Variants in FRMD4A observed in about 807,000 individuals in gnomAD.
FRMD4A encodes the protein FERM domain containing 4A.
Under a neutral mutation model 129.1 loss-of-function variants are expected in FRMD4A, and 29 were observed. That is an observed-to-expected ratio of 0.22 (90% CI 0.17 to 0.31). The LOEUF (loss-of-function observed/expected upper bound fraction) is 0.31. Ranked by LOEUF, FRMD4A falls within the 10% of genes least tolerant of loss-of-function variation. The pLI, the probability that FRMD4A is intolerant of heterozygous loss-of-function variation, is 1.00. For missense variants in FRMD4A, 1,272 were observed against 1,375.8 expected (o/e 0.92, Z 1.19); for synonymous variants, 634 against 571.6 (o/e 1.11, Z -1.56).
At chr10:13,661,025 T>C (rs1378601719) in intron 19 of FRMD4A, among the ~76,000 whole-genome samples, 1 of 152,108 alleles carries the variant, frequency 6.6e-6, no homozygotes, top group Non-Finnish European at 1.5e-5. Context: ...TGATAACCAT[T>C]GGTTGGAGAA....
At chr10:14,075,658 G>C in intron 2 of FRMD4A, among the ~76,000 whole-genome samples, 1 of 152,310 alleles carries the variant, frequency 6.6e-6, no homozygotes, top group East Asian at 1.9e-4. Context: ...ATATAAGCAT[G>C]TGTGGGTATA....
chr10:14,113,941 C>A (rs188255959), intron 2 of FRMD4A, among the ~76,000 whole-genome samples: 2 of 152,186 alleles, frequency 1.3e-5, no homozygotes, highest in African/African-American at 4.8e-5. Flanking sequence ...TCCCACCTCA[C>A]CCCCAGCCCA....
intron 4 of FRMD4A, 43 bp downstream of exon 4, chr10:13,810,771 C>T: frequency 1.9e-6 from 2 of 1,074,800 alleles, no homozygotes; most frequent in Non-Finnish European, 2.9e-6. Flanking sequence ...GGGTTCTGCA[C>T]TGACTCTCCC....
chr10:13,992,582 A>T (rs995295407), intron 2 of FRMD4A, among the ~76,000 whole-genome samples: 3 of 152,222 alleles, frequency 2.0e-5, no homozygotes, highest in African/African-American at 7.2e-5. Context: ...TTAAATCTTA[A>T]CTTTGTAAAA....
chr10:14,218,166 A>G (rs1843133267), intron 2 of FRMD4A, among the ~76,000 whole-genome samples: 1 of 152,134 alleles, frequency 6.6e-6, no homozygotes, highest in African/African-American at 2.4e-5. Flanking sequence ...CTATATCCAG[A>G]CACTTCCCAA....
chr10:13,770,122 C>T (rs2092414156), intron 6 of FRMD4A, among the ~76,000 whole-genome samples: 2 of 152,222 alleles, frequency 1.3e-5, no homozygotes, highest in Admixed American at 1.3e-4. Flanking sequence ...AACTTGCTCT[C>T]TTCTTGTGGC....
intron 24 of FRMD4A, chr10:13,649,661 A>G (rs948822574): frequency 1.3e-5 from 2 of 152,250 alleles, no homozygotes; most frequent in African/African-American, 4.8e-5. Context: ...TTTTAAAGCT[A>G]TAAATGTTGC....
intron 2 of FRMD4A, among the ~76,000 whole-genome samples, chr10:14,128,046 CTCTTTCTTTCTT>C (rs534411383): frequency 0.11 from 8,686 of 77,354 alleles, 784 homozygotes; most frequent in South Asian, 0.17. Flanking sequence ...CTTTCTTTCC[CTCTTTCTTTCTT>C]TCTTTCTTTC....
chr10:13,685,655 A>G lies in FRMD4A; in HGVS notation c.1117+8243T>C, dbSNP rs79914116. 3.3e-3 allele frequency: 3,294 copies of G among 983,556 alleles called. 14 individuals carry two copies. The highest frequency in any genetic ancestry group is 0.033 in the East Asian group (292 of 8,810). 60.9% of individuals were successfully genotyped at this position (983,556 alleles called of 1,614,324 possible). A position where few individuals can be genotyped will look rare whatever the true frequency, so the allele number is the denominator to read the frequency against. On this transcript the variant is annotated intron_variant, in intron 15 of 24. Coordinates refer to ENST00000357447, the MANE Select transcript of FRMD4A (RefSeq NM_018027.5). ...GAAACGCTCGTGGGAAGTGATAGTT[A>G]TATCTCTTTTTAGTATTTAAAATTT...
At chr10:13,784,279 G>T (rs2130786251) in intron 5 of FRMD4A, among the ~76,000 whole-genome samples, 1 of 152,302 alleles carries the variant, frequency 6.6e-6, no homozygotes, top group African/African-American at 2.4e-5. Flanking sequence ...GTGACTCAGG[G>T]CAGTCACATC....
At chr10:13,914,637 T>C (rs2094979248) in intron 2 of FRMD4A, among the ~76,000 whole-genome samples, 1 of 152,082 alleles carries the variant, frequency 6.6e-6, no homozygotes, top group Non-Finnish European at 1.5e-5. Flanking sequence ...GACTGATGGA[T>C]TTAACAATGT....
intron 2 of FRMD4A, among the ~76,000 whole-genome samples, chr10:14,187,382 C>T (rs1842181576): frequency 6.6e-6 from 1 of 152,168 alleles, no homozygotes; most frequent in South Asian, 2.1e-4. Context: ...TACAGAAGTC[C>T]TCAACCTTGC....
rs565179019 is a variant in FRMD4A at position 13,788,500 on chromosome 10, T to C, written c.300-5494A>G. Among the ~76,000 whole-genome samples the C allele has an allele frequency of 2.0e-5, 3 of 152,348 alleles. No individual in the cohort carries two copies. In the East Asian group the frequency reaches 5.8e-4, roughly 29 times the overall value. ...TTCTCCCAGGAACTGAGTGACAATC[T>C]TTTCAATGTCTGTCCTCTCCTCATC... On this transcript the variant is annotated intron_variant, in intron 5 of 24. Transcript: ENST00000357447.
chr10:14,099,312 C>A (rs1305945451), intron 2 of FRMD4A, among the ~76,000 whole-genome samples: 2 of 151,734 alleles, frequency 1.3e-5, no homozygotes, highest in African/African-American at 2.4e-5. Flanking sequence ...ATTTATAGGG[C>A]AGAGTTAGAA....
chr10:13,688,001 A>C lies in FRMD4A; in HGVS notation c.1117+5897T>G, dbSNP rs1036698611. ...ACAGGGGACAGCTCTGCGTATCACT[A>C]CTACGGGATTCAGGGCCCTGATCTC... On this transcript the variant is annotated intron_variant, in intron 15 of 24. Coordinates refer to ENST00000357447, the MANE Select transcript of FRMD4A (RefSeq NM_018027.5). Among the ~76,000 whole-genome samples the C allele has an allele frequency of 1.1e-4, 16 of 152,154 alleles. 1 individual carries two copies. The highest frequency in any genetic ancestry group is 3.4e-4 in the African/African-American group (14 of 41,432).
At chr10:14,069,051 A>G (rs893334751) in intron 2 of FRMD4A, among the ~76,000 whole-genome samples, 3 of 151,964 alleles carry the variant, frequency 2.0e-5, no homozygotes, top group East Asian at 1.9e-4. Context: ...CCCACCCCCA[A>G]TACCAGCTTC....
intron 2 of FRMD4A, among the ~76,000 whole-genome samples, chr10:14,125,717 A>G (rs535238905): frequency 6.7e-6 from 1 of 150,316 alleles, no homozygotes; most frequent in South Asian, 2.1e-4. Context: ...TCTCTCTCAC[A>G]CACAGACACA....
At chr10:14,098,350 T>C (rs1471276448) in intron 2 of FRMD4A, among the ~76,000 whole-genome samples, 1 of 151,170 alleles carries the variant, frequency 6.6e-6, no homozygotes, top group East Asian at 1.9e-4. Context: ...TTTCTCAACA[T>C]TTCCTTGACT....
intron 18 of FRMD4A, among the ~76,000 whole-genome samples, chr10:13,664,359 T>G (rs988221887): frequency 1.3e-5 from 2 of 151,964 alleles, no homozygotes; most frequent in African/African-American, 4.8e-5. Context: ...TCAAATGGAG[T>G]GTCAGAAAGA....
Sources: gnomAD v4.1 joint callset for allele counts (sites outside exome capture counted in the v4.1 genomes callset) on GRCh38, gnomAD v4.1.1 for gene constraint, MANE v1.5 for transcripts, NCBI Gene and HGNC (gene_info 2026-07-23, HGNC 2026-07-21) for gene names.